Variants in NKAIN3 observed in about 807,000 individuals in gnomAD.
The protein encoded by NKAIN3 is sodium/potassium-transporting ATPase subunit beta-1-interacting protein 3.
NKAIN3 carries 25 observed loss-of-function variants against 30.2 expected under a neutral mutation model. The observed-to-expected ratio is 0.83, with a 90% CI of 0.60 to 1.16. The LOEUF (loss-of-function observed/expected upper bound fraction) is 1.16, where lower values mean the gene tolerates loss of function less well. Ranked by LOEUF, NKAIN3 falls within the 50% of genes most tolerant of loss-of-function variation. The probability of loss-of-function intolerance (pLI) is 0.00; values close to 1 mark genes in which losing one functional copy is unlikely to be tolerated. For synonymous variants in NKAIN3, 91 were observed against 89.6 expected, an observed-to-expected ratio of 1.02 and a Z score of -0.09; for missense variants, 225 against 254.1, an observed-to-expected ratio of 0.89 and a Z score of 0.78.
At chr8:62,835,163 C>CAAA (rs200792355) in intron 4 of NKAIN3, among the ~76,000 whole-genome samples, 16,728 of 151,172 alleles carry the variant, frequency 0.11, 959 homozygotes, top group African/African-American at 0.15. Flanking sequence ...TTCACATATA[C>CAAA]AATACTGAAA....
rs997280907 is a variant in NKAIN3 at position 62,305,338 on chromosome 8, C to A, written c.54+56211C>A. Among the ~76,000 whole-genome samples the A allele has an allele frequency of 2.0e-5, 3 of 150,190 alleles. 1 individual carries two copies. The highest frequency in any genetic ancestry group is 7.6e-5 in the African/African-American group (3 of 39,702). ...GAAATTGGGTTTTAAAGGGAGAAAT[C>A]GAATTTGAGTTAGGGAATTCCATAA... On this transcript the variant is annotated intron_variant, in intron 1 of 6. Coordinates refer to ENST00000623646, the MANE Select transcript of NKAIN3 (RefSeq NM_001304533.3).
At chr8:62,889,759 C>T (rs1821248601) in intron 4 of NKAIN3, among the ~76,000 whole-genome samples, 1 of 152,064 alleles carries the variant, frequency 6.6e-6, no homozygotes, top group Admixed American at 6.6e-5. Flanking sequence ...TGACAGAGCA[C>T]CTAGGATAGA....
At chr8:62,399,673 A>C (rs557731688) in intron 1 of NKAIN3, among the ~76,000 whole-genome samples, 2 of 152,328 alleles carry the variant, frequency 1.3e-5, no homozygotes, top group East Asian at 3.9e-4. Context: ...ATTCCTGATG[A>C]CCAGAATGTA....
At chr8:62,952,170 C>G (rs1823299357) in intron 5 of NKAIN3, among the ~76,000 whole-genome samples, 1 of 151,892 alleles carries the variant, frequency 6.6e-6, no homozygotes, top group African/African-American at 2.4e-5. Context: ...CTGTCATAAT[C>G]TAATTAAGTA....
chr8:62,527,882 G>GGTGTGTGT (rs68020312), intron 1 of NKAIN3, among the ~76,000 whole-genome samples: 6,846 of 143,638 alleles, frequency 0.048, 176 homozygotes, highest in South Asian at 0.074. Context: ...ACTTTTTTTT[G>GGTGTGTGT]GTGTGTGTGT....
chr8:62,391,875 CA>C (rs896952637), intron 1 of NKAIN3, among the ~76,000 whole-genome samples: 5 of 151,036 alleles, frequency 3.3e-5, no homozygotes, highest in African/African-American at 1.2e-4. Flanking sequence ...TACAGAGCAT[CA>C]AAAATGTCAC....
At chr8:62,572,943 A>G (rs1171437495) in intron 1 of NKAIN3, among the ~76,000 whole-genome samples, 7 of 152,158 alleles carry the variant, frequency 4.6e-5, no homozygotes, top group African/African-American at 1.2e-4. Flanking sequence ...CTCTATATAC[A>G]TTGCTTGAGG....
chr8:62,309,571 A>G lies in NKAIN3; in HGVS notation c.54+60444A>G, dbSNP rs554963116. 6.8e-4 allele frequency among the ~76,000 whole-genome samples: 102 copies of G among 150,528 alleles called. 5 individuals carry two copies. Among genetic ancestry groups the G allele is most frequent in the African/African-American group, 2.4e-3 (97 of 39,898 alleles). ...GAAAAATAATAGACTTGGTTGCAAC[A>G]TGAATGCAAATTATGGCTCTGTACT... On this transcript the variant is annotated intron_variant, in intron 1 of 6. Coordinates refer to ENST00000623646, the MANE Select transcript of NKAIN3 (RefSeq NM_001304533.3).
rs543135729 is a variant in NKAIN3 at position 62,992,806 on chromosome 8, T to A, written c.533-6425T>A. Among the ~76,000 whole-genome samples the A allele has an allele frequency of 7.5e-4, 113 of 150,558 alleles. 3 individuals are homozygous for A. The highest frequency in any genetic ancestry group is 2.7e-3 in the African/African-American group (109 of 39,886). On this transcript the variant is annotated intron_variant, in intron 5 of 5. Coordinates refer to the NKAIN3 transcript ENST00000519049. ...GAATTACCTGATCCCTTCTGCTAGT[T>A]AAAGGCAAGATTTTTTTCTGGTTGG... is the stretch of plus-strand genomic sequence containing the variant.
intron 4 of NKAIN3, among the ~76,000 whole-genome samples, chr8:62,889,378 AT>A (rs1268712564): frequency 6.6e-6 from 1 of 151,934 alleles, no homozygotes; most frequent in East Asian, 1.9e-4. Context: ...CTCGAAAAAA[AT>A]AATAATAATA....
chr8:62,905,612 C>G (rs952867910), intron 4 of NKAIN3, among the ~76,000 whole-genome samples: 1 of 151,944 alleles, frequency 6.6e-6, no homozygotes, highest in Admixed American at 6.6e-5. Flanking sequence ...GGATTTTTGC[C>G]CTTCTCTCCA....
chr8:62,408,977 G>A (rs192750048), intron 1 of NKAIN3, among the ~76,000 whole-genome samples: 12 of 152,084 alleles, frequency 7.9e-5, no homozygotes, highest in East Asian at 3.9e-4. Flanking sequence ...TAAATATTGC[G>A]GAAAAAATAG....
chr8:62,284,190 G>T (rs984207565), intron 1 of NKAIN3, among the ~76,000 whole-genome samples: 2 of 152,124 alleles, frequency 1.3e-5, no homozygotes, highest in African/African-American at 2.4e-5. Context: ...GTGCTGTCTG[G>T]CTCACAAAAG....
chr8:62,750,732 G>A (rs1349622737), intron 4 of NKAIN3, among the ~76,000 whole-genome samples: 1 of 152,136 alleles, frequency 6.6e-6, no homozygotes, highest in Non-Finnish European at 1.5e-5. Context: ...GCAACACCAA[G>A]GTGAAAATCA....
intron 1 of NKAIN3, among the ~76,000 whole-genome samples, chr8:62,281,121 G>A (rs987728617): frequency 3.3e-5 from 5 of 152,090 alleles, no homozygotes; most frequent in Non-Finnish European, 7.4e-5. Flanking sequence ...ATGTGCCCAG[G>A]AATTCATCAA....
At chr8:62,878,732 A>C (rs976765106) in intron 4 of NKAIN3, among the ~76,000 whole-genome samples, 2 of 136,940 alleles carry the variant, frequency 1.5e-5, no homozygotes, top group Non-Finnish European at 3.0e-5. Context: ...TCATTGTTCA[A>C]TTCCCACCTA....
chr8:62,385,687 T>TA (rs1279271033), intron 1 of NKAIN3, among the ~76,000 whole-genome samples: 1 of 152,196 alleles, frequency 6.6e-6, no homozygotes, highest in Non-Finnish European at 1.5e-5. Context: ...TCCATCTATA[T>TA]AGTCAAACCC....
intron 3 of NKAIN3, among the ~76,000 whole-genome samples, chr8:62,713,368 A>T (rs1814787013): frequency 1.3e-5 from 2 of 152,250 alleles, no homozygotes; most frequent in African/African-American, 4.8e-5. Context: ...CAGCATTTGC[A>T]CATGCTACAG....
chr8:62,936,645 A>T (rs1031676460), intron 5 of NKAIN3, among the ~76,000 whole-genome samples: 16 of 152,316 alleles, frequency 1.1e-4, no homozygotes, highest in African/African-American at 3.9e-4. Flanking sequence ...TAGTGATTTA[A>T]TATTCATCAT....
Sources: gnomAD v4.1 joint callset for allele counts (sites outside exome capture counted in the v4.1 genomes callset) on GRCh38, gnomAD v4.1.1 for gene constraint, MANE v1.5 for transcripts, NCBI Gene and HGNC (gene_info 2026-07-23, HGNC 2026-07-21) for gene names.